MYOCD: variants seen among roughly 807,000 people sequenced by gnomAD.
The protein encoded by MYOCD is myocardin.
MYOCD carries 32 observed loss-of-function variants against 96.1 expected under a neutral mutation model. The ratio of observed to expected loss-of-function variants is 0.33; its 90% confidence interval spans 0.25 to 0.45. The LOEUF (loss-of-function observed/expected upper bound fraction) is 0.45, where lower values mean the gene tolerates loss of function less well. MYOCD is among the 20% of genes least tolerant of loss of function. The probability of loss-of-function intolerance (pLI) is 1.00; values close to 1 mark genes in which losing one functional copy is unlikely to be tolerated. For synonymous variants in MYOCD, 469 were observed against 469.0 expected, an observed-to-expected ratio of 1.00 and a Z score of 0.00; for missense variants, 1,133 against 1,200.6, an observed-to-expected ratio of 0.94 and a Z score of 0.83.
At chr17:12,754,767 G>A (rs2032965553) in intron 10 of MYOCD, among the ~76,000 whole-genome samples, 1 of 152,214 alleles carries the variant, frequency 6.6e-6, no homozygotes, top group Non-Finnish European at 1.5e-5. Context: ...TATTAGAAAA[G>A]GAATCAGAAG....
intron 5 of MYOCD, among the ~76,000 whole-genome samples, chr17:12,728,492 T>G (rs1339250106): frequency 6.6e-6 from 1 of 152,164 alleles, no homozygotes; most frequent in African/African-American, 2.4e-5. Flanking sequence ...TGTTGTTGTT[T>G]TTTTAAGACA....
At chr17:12,718,133 T>A (rs2031706342) in intron 4 of MYOCD, among the ~76,000 whole-genome samples, 1 of 152,192 alleles carries the variant, frequency 6.6e-6, no homozygotes. Context: ...ATTGGGTGTC[T>A]GCTAGGAGTT....
At chr17:12,721,306 G>C (rs1324147916) in intron 4 of MYOCD, among the ~76,000 whole-genome samples, 3 of 152,088 alleles carry the variant, frequency 2.0e-5, no homozygotes, top group Non-Finnish European at 4.4e-5. Flanking sequence ...TAGCTTCTTG[G>C]AGCATAAAAG....
At position 12,763,437 on chromosome 17, in the gene MYOCD, C is replaced by T. The variant is rs749600257; in HGVS notation, c.2754C>T (p.Pro918=). Reference sequence around the variant, plus strand: ...CTCCAATGCAGACACAGTTTTCACCCTCTTCTGTGGACAGCAATGGGCTGC... The same window carrying T: ...CTCCAATGCAGACACAGTTTTCACCTTCTTCTGTGGACAGCAATGGGCTGC... ...PLSPMQTQFS[P]SSVDSNGLQL... The change falls in exon 14 of 14, where the codon CCC becomes CCT. Residue 918 remains proline (P), a synonymous_variant. Transcript: ENST00000425538. 1.2e-6 allele frequency: 2 copies of T among 1,613,366 alleles called. No individual in the cohort carries two copies. Among genetic ancestry groups the T allele is most frequent in the African/African-American group, 1.3e-5 (1 of 74,910 alleles).
At position 12,746,081 on chromosome 17, in the gene MYOCD, T is replaced by C. The variant is rs1169056067; in HGVS notation, c.1125+9T>C. ...ACCTGGATGATCTGAAGGTATAGGA[T>C]TTGACATGAGTTTCTTTCTTTTTTT... On this transcript the variant is annotated intron_variant, in intron 9 of 13. Transcript: ENST00000425538. 6.2e-7 allele frequency: 1 copy of C among 1,611,598 alleles called. No homozygotes were observed. The highest frequency in any genetic ancestry group is 1.7e-5 in the Admixed American group (1 of 59,380).
chr17:12,763,650 C>T lies in MYOCD; in HGVS notation c.*6C>T, dbSNP rs750775304. On this transcript the variant is annotated 3_prime_UTR_variant, in exon 14 of 14. Coordinates refer to ENST00000425538, the MANE Select transcript of MYOCD (RefSeq NM_001146312.3). ...TTCACTTGCAGCAGTGGTAGAATGC[C>T]CAATGCACCAGTGCTATGGAAGACC... 2.3e-5 allele frequency: 37 copies of T among 1,601,182 alleles called. 3 individuals are homozygous for T. The South Asian group carries it at 3.7e-4, about 16-fold the overall frequency.
chr17:12,682,659 T>C (rs1390170627), intron 1 of MYOCD, among the ~76,000 whole-genome samples: 3 of 152,194 alleles, frequency 2.0e-5, no homozygotes, highest in Non-Finnish European at 4.4e-5. Flanking sequence ...GGATGCATCA[T>C]AAATAGCCAT....
chr17:12,685,780 C>T lies in MYOCD; in HGVS notation c.56-19348C>T, dbSNP rs547889262. Among the ~76,000 whole-genome samples, 5 of 152,266 alleles carry T rather than the reference C, an allele frequency of 3.3e-5. No individual in the cohort carries two copies. In the East Asian group the frequency reaches 9.6e-4, roughly 29 times the overall value. Reference sequence around the variant, plus strand: ...CTTTAGTTAACTCAAGCGTGTGTATCTTTTCTCCATCAGAGTATATATGCC... The same window carrying T: ...CTTTAGTTAACTCAAGCGTGTGTATTTTTTCTCCATCAGAGTATATATGCC... On this transcript the variant is annotated intron_variant, in intron 1 of 13. Transcript: ENST00000425538.
chr17:12,748,571 A>G (rs1457969442), intron 9 of MYOCD, among the ~76,000 whole-genome samples: 1 of 152,210 alleles, frequency 6.6e-6, no homozygotes, highest in Non-Finnish European at 1.5e-5. Flanking sequence ...TAGTGAATGT[A>G]GGGAAGAGGT....
intron 12 of MYOCD, among the ~76,000 whole-genome samples, chr17:12,758,873 AC>A (rs1406653926): frequency 6.6e-6 from 1 of 152,096 alleles, no homozygotes; most frequent in East Asian, 1.9e-4. Flanking sequence ...ACATGGTGAG[AC>A]CCCATCTCTA....
intron 3 of MYOCD, 41 bp downstream of exon 3, chr17:12,715,615 G>A (rs778533043): frequency 1.3e-6 from 2 of 1,504,204 alleles, no homozygotes; most frequent in Non-Finnish European, 1.8e-6. Flanking sequence ...TAGACTATAG[G>A]TTATGAATCT....
chr17:12,732,136 G>A (rs539748036), intron 5 of MYOCD, among the ~76,000 whole-genome samples: 7 of 152,130 alleles, frequency 4.6e-5, no homozygotes, highest in Non-Finnish European at 7.3e-5. Flanking sequence ...GGTTGTTTAC[G>A]CAGGTGTAAA....
At chr17:12,717,271 T>A in intron 3 of MYOCD, 75 bp from the exon 4 acceptor site, 4 of 1,039,040 alleles carry the variant, frequency 3.8e-6, no homozygotes, top group Non-Finnish European at 5.8e-6. Context: ...TTTTAAAAGG[T>A]TATTTTCTCC....
intron 6 of MYOCD, among the ~76,000 whole-genome samples, chr17:12,738,197 T>C (rs1372364432): frequency 6.6e-6 from 1 of 152,146 alleles, no homozygotes; most frequent in South Asian, 2.1e-4. Context: ...CCGGCAATCA[T>C]GTTTGACAGA....
At chr17:12,678,046 C>T (rs1910198504) in intron 1 of MYOCD, among the ~76,000 whole-genome samples, 2 of 151,724 alleles carry the variant, frequency 1.3e-5, no homozygotes, top group African/African-American at 2.4e-5. Flanking sequence ...GCGTGCACCA[C>T]CACGCCCAGC....
intron 2 of MYOCD, among the ~76,000 whole-genome samples, chr17:12,711,541 G>T (rs2031479565): frequency 6.6e-6 from 1 of 152,032 alleles, no homozygotes; most frequent in Admixed American, 6.6e-5. Context: ...TCTAATTAAT[G>T]GTATATAAAT....
chr17:12,752,831 T>A lies in MYOCD; in HGVS notation c.1543T>A (p.Ser515Thr). ...SVPSELDGLD[S>T]EKDKMLVEKQ... is the part of the protein sequence containing the mutation. ...TCCTTCTGAGCTGGATGGGCTGGAC[T>A]CCGAGAAGGACAAGATGCTGGTGGA... The change falls in exon 10 of 14, where the codon TCC (serine) becomes ACC (threonine). Residue 515 changes from serine (S) to threonine (T), a missense_variant. Coordinates refer to ENST00000425538, the MANE Select transcript of MYOCD (RefSeq NM_001146312.3). 1 of 1,613,882 alleles carries A rather than the reference T, an allele frequency of 6.2e-7. No individual in the cohort carries two copies. Among genetic ancestry groups the A allele is most frequent in the Non-Finnish European group, 8.5e-7 (1 of 1,179,960 alleles).
At chr17:12,732,263 C>T (rs569437781) in intron 5 of MYOCD, among the ~76,000 whole-genome samples, 2 of 152,102 alleles carry the variant, frequency 1.3e-5, no homozygotes, top group Admixed American at 6.5e-5. Flanking sequence ...TAGCCCTCTC[C>T]CCTGGCTGAA....
At chr17:12,675,579 C>T (rs1909972478) in intron 1 of MYOCD, among the ~76,000 whole-genome samples, 1 of 152,188 alleles carries the variant, frequency 6.6e-6, no homozygotes, top group Non-Finnish European at 1.5e-5. Flanking sequence ...AAAGTATTGG[C>T]CAGGCACGGT....
Sources: allele counts gnomAD v4.1 joint callset (sites outside exome capture counted in the v4.1 genomes callset), GRCh38; gene constraint gnomAD v4.1.1; transcripts MANE v1.5; gene names NCBI Gene and HGNC (gene_info 2026-07-23, HGNC 2026-07-21).